Variants in KANK1 observed in about 807,000 individuals in gnomAD.
The protein encoded by KANK1 is KN motif and ankyrin repeat domains 1, also known as KN motif and ankyrin repeat domain-containing protein 1.
In KANK1, 109 loss-of-function variants were observed where a neutral mutation model predicts 106.2. The observed-to-expected ratio is 1.03, with a 90% confidence interval of 0.88 to 1.20. The LOEUF (loss-of-function observed/expected upper bound fraction) is 1.20, where lower values mean the gene tolerates loss of function less well. Among genes scored for constraint, KANK1 ranks in the 50% most tolerant of loss-of-function variants. KANK1 has a pLI of 0.00. For synonymous variants in KANK1, 873 were observed against 652.2 expected, an observed-to-expected ratio of 1.34 and a Z score of -5.16; for missense variants, 2,399 against 1,710.7, an observed-to-expected ratio of 1.40 and a Z score of -7.10.
intron 1 of KANK1, among the ~76,000 whole-genome samples, chr9:611,695 T>C (rs1473267643): frequency 6.6e-6 from 1 of 152,200 alleles, no homozygotes; most frequent in African/African-American, 2.4e-5. Flanking sequence ...CAGTAATATT[T>C]TTGTAATCTT....
intron 1 of KANK1, among the ~76,000 whole-genome samples, chr9:638,095 T>C (rs1837565122): frequency 6.6e-6 from 1 of 152,226 alleles, no homozygotes; most frequent in African/African-American, 2.4e-5. Context: ...TATCAGTAAC[T>C]ATTAGAGAAA....
rs554952274 is a variant in KANK1 at position 550,238 on chromosome 9, A to G, written c.-84+45484A>G. ...CCCCAGGGATACTGTAATTTTAAGT[A>G]TTGTTTTGGATATTGGTAATTCTAA... On this transcript the variant is annotated intron_variant, in intron 1 of 11. Transcript: ENST00000382297. Among the ~76,000 whole-genome samples, 3 of 151,942 alleles carry G rather than the reference A, an allele frequency of 2.0e-5. No homozygotes were observed. The East Asian group carries it at 5.8e-4, about 29-fold the overall frequency.
intron 1 of KANK1, among the ~76,000 whole-genome samples, chr9:659,568 G>T (rs537784687): frequency 2.0e-4 from 30 of 152,082 alleles, no homozygotes; most frequent in Non-Finnish European, 3.8e-4. Context: ...AATTTATAAA[G>T]AAAAAAGGCT....
At chr9:569,062 G>T (rs1818530695) in intron 1 of KANK1, among the ~76,000 whole-genome samples, 1 of 152,214 alleles carries the variant, frequency 6.6e-6, no homozygotes, top group African/African-American at 2.4e-5. Flanking sequence ...CCACTGTGGG[G>T]CATTGGGAGG....
At chr9:502,722 C>T (rs773101471), upstream of KANK1, among the ~76,000 whole-genome samples, 9 of 152,086 alleles carry the variant, frequency 5.9e-5, no homozygotes, top group Non-Finnish European at 1.2e-4. Context: ...CATGGGGTTT[C>T]ACCATGTTGG....
At chr9:728,504 G>T (rs1034031179) in intron 3 of KANK1, among the ~76,000 whole-genome samples, 1 of 152,168 alleles carries the variant, frequency 6.6e-6, no homozygotes, top group African/African-American at 2.4e-5. Context: ...CGGCCTCTTC[G>T]ATGTATATTG....
intron 1 of KANK1, among the ~76,000 whole-genome samples, chr9:540,150 G>T (rs1168858952): frequency 6.6e-6 from 1 of 152,200 alleles, no homozygotes; most frequent in Non-Finnish European, 1.5e-5. Flanking sequence ...TTACCACTGA[G>T]TATGATATTA....
At chr9:532,834 T>C (rs1333290527) in intron 1 of KANK1, among the ~76,000 whole-genome samples, 1 of 150,160 alleles carries the variant, frequency 6.7e-6, no homozygotes, top group Non-Finnish European at 1.5e-5. Flanking sequence ...AGCAGTAGGG[T>C]CTCAACCTTG....
At chr9:541,065 A>G (rs2060569594) in intron 1 of KANK1, among the ~76,000 whole-genome samples, 1 of 152,150 alleles carries the variant, frequency 6.6e-6, no homozygotes, top group Non-Finnish European at 1.5e-5. Flanking sequence ...TGATTGCTGT[A>G]AACTTCCTTG....
upstream of KANK1, among the ~76,000 whole-genome samples, chr9:503,962 C>T (rs1266880054): frequency 1.3e-5 from 2 of 152,186 alleles, no homozygotes; most frequent in African/African-American, 4.8e-5. Context: ...CCGCCGAGGA[C>T]TCTGTCCTGC....
intron 1 of KANK1, among the ~76,000 whole-genome samples, chr9:572,798 C>T (rs1039043449): frequency 1.3e-5 from 2 of 152,144 alleles, no homozygotes; most frequent in Non-Finnish European, 2.9e-5. Flanking sequence ...TAAAACATCG[C>T]TGTTTCTGGC....
chr9:555,756 G>A (rs180905204), intron 1 of KANK1, among the ~76,000 whole-genome samples: 1 of 152,290 alleles, frequency 6.6e-6, no homozygotes, highest in East Asian at 1.9e-4. Context: ...CAAGATCTGT[G>A]AGTTCCTAGT....
chr9:730,326 T>A, intron 4 of KANK1, 78 bp downstream of exon 4: 4 of 1,366,346 alleles, frequency 2.9e-6, no homozygotes, highest in Non-Finnish European at 4.2e-6. Context: ...AATGTCAATG[T>A]ACCTTTTAAA....
At chr9:583,061 GAAACTT>G (rs1563808630) in intron 1 of KANK1, among the ~76,000 whole-genome samples, 1 of 152,142 alleles carries the variant, frequency 6.6e-6, no homozygotes, top group Admixed American at 6.5e-5. Context: ...ATTTACTAGA[GAAACTT>G]AAAAGACTGG....
intron 1 of KANK1, among the ~76,000 whole-genome samples, chr9:559,662 G>A (rs1455232550): frequency 1.3e-5 from 2 of 152,112 alleles, no homozygotes; most frequent in African/African-American, 2.4e-5. Context: ...TGAAAAAGAC[G>A]GAAAAGACAA....
intron 3 of KANK1, among the ~76,000 whole-genome samples, chr9:490,659 C>A (rs73386741): frequency 0.019 from 2,918 of 152,216 alleles, 109 homozygotes; most frequent in African/African-American, 0.065. Flanking sequence ...AAATAAATTG[C>A]CAAAGTTTCA....
chr9:741,117 T>C (rs551967542), intron 9 of KANK1, among the ~76,000 whole-genome samples, 183 bp downstream of exon 9: 2 of 152,332 alleles, frequency 1.3e-5, no homozygotes, highest in Non-Finnish European at 2.9e-5. Flanking sequence ...CAGGGAAATA[T>C]GGGCTTAAAT....
chr9:560,733 A>G (rs1201486760), intron 1 of KANK1, among the ~76,000 whole-genome samples: 3 of 152,028 alleles, frequency 2.0e-5, no homozygotes, highest in African/African-American at 7.3e-5. Context: ...TGTCTATCCC[A>G]TTGTTGGGAG....
intron 1 of KANK1, among the ~76,000 whole-genome samples, chr9:637,381 A>G (rs1837395419): frequency 6.6e-6 from 1 of 152,152 alleles, no homozygotes; most frequent in South Asian, 2.1e-4. Flanking sequence ...CCCATTTTGT[A>G]TGGTTCAACA....
Sources: gnomAD v4.1 joint callset for allele counts (sites outside exome capture counted in the v4.1 genomes callset) on GRCh38, gnomAD v4.1.1 for gene constraint, MANE v1.5 for transcripts, NCBI Gene and HGNC (gene_info 2026-07-23, HGNC 2026-07-21) for gene names.